The following ATRNL1 variants were observed in gnomAD, a reference collection of about 807,000 sequenced individuals.
ATRNL1 encodes attractin like 1.
Under a neutral mutation model 182.7 loss-of-function variants are expected in ATRNL1, and 95 were observed. That is an observed-to-expected ratio of 0.52 (90% CI 0.44 to 0.62). The LOEUF (loss-of-function observed/expected upper bound fraction) is 0.62, where lower values mean the gene tolerates loss of function less well. Ranked by LOEUF, ATRNL1 falls within the 20% of genes least tolerant of loss-of-function variation. The pLI, the probability that ATRNL1 is intolerant of heterozygous loss-of-function variation, is 0.00. For synonymous variants in ATRNL1, 576 were observed against 568.3 expected, an observed-to-expected ratio of 1.01 and a Z score of -0.19; for missense variants, 1,471 against 1,679.5, an observed-to-expected ratio of 0.88 and a Z score of 2.17.
chr10:115,514,026 A>G (rs1204213495), intron 24 of ATRNL1, among the ~76,000 whole-genome samples: 1 of 151,904 alleles, frequency 6.6e-6, no homozygotes, highest in Non-Finnish European at 1.5e-5. Context: ...GGTACTTTTT[A>G]TAGAGACTTT....
intron 19 of ATRNL1, among the ~76,000 whole-genome samples, chr10:115,359,066 C>A (rs1554943590): frequency 6.6e-6 from 1 of 151,552 alleles, no homozygotes; most frequent in African/African-American, 2.4e-5. Flanking sequence ...TTTTTCAAAT[C>A]TCAGCTCCAA....
At chr10:115,549,047 A>T (rs1450961900) in intron 25 of ATRNL1, among the ~76,000 whole-genome samples, 2 of 152,110 alleles carry the variant, frequency 1.3e-5, no homozygotes, top group Non-Finnish European at 2.9e-5. Context: ...AGGTTATTTA[A>T]TATGTTCATA....
At chr10:115,413,376 A>G (rs1372693083) in intron 20 of ATRNL1, among the ~76,000 whole-genome samples, 1 of 152,166 alleles carries the variant, frequency 6.6e-6, no homozygotes, top group Admixed American at 6.5e-5. Flanking sequence ...GACATTAATG[A>G]AAATAAAAAT....
chr10:115,121,354 C>T (rs1844722555), intron 2 of ATRNL1, among the ~76,000 whole-genome samples: 1 of 152,206 alleles, frequency 6.6e-6, no homozygotes. Context: ...TCGTGATCTG[C>T]CTGCTTTGGC....
At position 115,300,719 on chromosome 10, in the gene ATRNL1, A is replaced by G. The variant is rs545978349; in HGVS notation, c.2629+472A>G. Among the ~76,000 whole-genome samples the G allele has an allele frequency of 3.9e-5, 6 of 152,314 alleles. No individual in the cohort carries two copies. In the East Asian group the frequency reaches 1.2e-3, roughly 29 times the overall value. ...TTCTTTTAAATCTTATATTTTTATC[A>G]TGGTAAAATGTACTTAAAATTTACC... is the stretch of plus-strand genomic sequence containing the variant. On this transcript the variant is annotated intron_variant, in intron 16 of 28. Transcript: ENST00000355044.
chr10:115,160,299 G>A (rs1554882995), intron 6 of ATRNL1, 85 bp downstream of exon 6: 14 of 1,301,762 alleles, frequency 1.1e-5, no homozygotes, highest in Non-Finnish European at 1.5e-5. Flanking sequence ...TTGTCCGAGA[G>A]TAAAAGTGGT....
intron 13 of ATRNL1, among the ~76,000 whole-genome samples, chr10:115,271,480 A>G (rs1851863838): frequency 6.6e-6 from 1 of 151,994 alleles, no homozygotes; most frequent in Non-Finnish European, 1.5e-5. Flanking sequence ...ACGATCTAGA[A>G]CTAGAAATAC....
chr10:115,524,469 T>A (rs2133718095), intron 25 of ATRNL1, among the ~76,000 whole-genome samples: 2 of 152,360 alleles, frequency 1.3e-5, no homozygotes, highest in African/African-American at 4.8e-5. Flanking sequence ...AAGTCTGAAT[T>A]ATTTATTTTA....
chr10:115,473,262 G>C (rs971166323), intron 24 of ATRNL1, among the ~76,000 whole-genome samples: 2 of 150,988 alleles, frequency 1.3e-5, no homozygotes, highest in Non-Finnish European at 3.0e-5. Context: ...ATTTTGTTGA[G>C]GATATTTGCA....
intron 24 of ATRNL1, among the ~76,000 whole-genome samples, chr10:115,497,057 T>C (rs782072290): frequency 2.2e-4 from 34 of 152,208 alleles, no homozygotes; most frequent in Non-Finnish European, 4.4e-4. Flanking sequence ...TTGTTCATTT[T>C]TTTAATTCTT....
At chr10:115,750,246 A>C (rs2134117537) in intron 27 of ATRNL1, among the ~76,000 whole-genome samples, 1 of 152,062 alleles carries the variant, frequency 6.6e-6, no homozygotes, top group East Asian at 1.9e-4. Context: ...GCCAACTTTA[A>C]GTAGTTTTAT....
At chr10:115,833,333 G>A (rs781956602) in intron 27 of ATRNL1, among the ~76,000 whole-genome samples, 54 of 152,084 alleles carry the variant, frequency 3.6e-4, no homozygotes, top group Non-Finnish European at 1.2e-4. Context: ...TCTGTATGTG[G>A]TAGAGCCAAG....
intron 28 of ATRNL1, among the ~76,000 whole-genome samples, chr10:115,906,459 C>A (rs1555114571): frequency 6.6e-6 from 1 of 152,108 alleles, no homozygotes; most frequent in Non-Finnish European, 1.5e-5. Flanking sequence ...GGCCCTGGCA[C>A]AGAGCAGGCT....
intron 1 of ATRNL1, among the ~76,000 whole-genome samples, chr10:115,103,101 G>C (rs1554865017): frequency 6.9e-6 from 1 of 145,906 alleles, no homozygotes; most frequent in Admixed American, 6.9e-5. Context: ...GCAATGGCAT[G>C]ATCTCGGCTC....
rs572678781 is a variant in ATRNL1 at position 115,615,993 on chromosome 10, G to C, written c.3795+66457G>C. 5.9e-4 allele frequency among the ~76,000 whole-genome samples: 90 copies of C among 152,304 alleles called. 2 individuals carry two copies. The highest frequency in any genetic ancestry group is 2.2e-3 in the Admixed American group (33 of 15,302). Reference sequence around the variant, plus strand: ...TGGGTAATGGGCAGTGGTTGAAATAGTGGAGGCCTCAGAAGAAGACAGGAA... The same window carrying C: ...TGGGTAATGGGCAGTGGTTGAAATACTGGAGGCCTCAGAAGAAGACAGGAA... On this transcript the variant is annotated intron_variant, in intron 26 of 28. Transcript: ENST00000355044.
intron 26 of ATRNL1, among the ~76,000 whole-genome samples, chr10:115,587,682 T>C (rs7094578): frequency 0.97 from 147,896 of 152,098 alleles, 72,070 homozygotes; most frequent in East Asian, 1. Context: ...GAGATGAACC[T>C]GGTACCTCAG....
At chr10:115,363,970 T>C (rs868988833) in intron 19 of ATRNL1, among the ~76,000 whole-genome samples, 1,894 of 152,130 alleles carry the variant, frequency 0.012, 29 homozygotes, top group African/African-American at 0.042. Context: ...CCAGCTTTAT[T>C]CTTTTGGCTT....
intron 27 of ATRNL1, among the ~76,000 whole-genome samples, chr10:115,770,616 C>T (rs573811640): frequency 6.6e-6 from 1 of 152,192 alleles, no homozygotes; most frequent in African/African-American, 2.4e-5. Flanking sequence ...GAGAAAATTA[C>T]ATAACTGAAG....
intron 19 of ATRNL1, among the ~76,000 whole-genome samples, chr10:115,367,240 A>C: frequency 8.9e-6 from 1 of 112,812 alleles, no homozygotes; most frequent in African/African-American, 3.2e-5. Context: ...TTTTCTCTAA[A>C]CTTCCCTTCT....
Sources: allele counts gnomAD v4.1 joint callset (sites outside exome capture counted in the v4.1 genomes callset), GRCh38; gene constraint gnomAD v4.1.1; transcripts MANE v1.5; gene names NCBI Gene and HGNC (gene_info 2026-07-23, HGNC 2026-07-21).